The following EXOC4 variants were observed in gnomAD, a reference collection of about 807,000 sequenced individuals.
EXOC4 encodes the protein SEC8-like 1.
EXOC4 carries 71 observed loss-of-function variants against 107.2 expected under a neutral mutation model. The observed-to-expected ratio is 0.66, with a 90% confidence interval of 0.55 to 0.81. EXOC4 has a LOEUF of 0.81. Among genes scored for constraint, EXOC4 ranks in the 30% least tolerant of loss-of-function variants. The pLI, the probability that EXOC4 is intolerant of heterozygous loss-of-function variation, is 0.00. For synonymous variants in EXOC4, 456 were observed against 441.2 expected, an observed-to-expected ratio of 1.03 and a Z score of -0.42; for missense variants, 1,108 against 1,189.6, an observed-to-expected ratio of 0.93 and a Z score of 1.01.
intron 14 of EXOC4, among the ~76,000 whole-genome samples, chr7:133,996,722 T>G (rs1434869860): frequency 6.6e-6 from 1 of 152,208 alleles, no homozygotes; most frequent in Non-Finnish European, 1.5e-5. Context: ...TCATTCTCTC[T>G]AGACTGGTCA....
chr7:134,080,071 G>A, the EXOC4 span, among the ~76,000 whole-genome samples: 1 of 152,098 alleles, frequency 6.6e-6, no homozygotes, highest in Non-Finnish European at 1.5e-5. Flanking sequence ...CCCTGACTTA[G>A]TTCAGCTATA....
chr7:133,395,764 A>C (rs1287343030), intron 7 of EXOC4, among the ~76,000 whole-genome samples: 1 of 152,176 alleles, frequency 6.6e-6, no homozygotes, highest in East Asian at 1.9e-4. Context: ...CTGACAGTGA[A>C]TCACTTGGGA....
intron 12 of EXOC4, among the ~76,000 whole-genome samples, chr7:133,911,408 C>T (rs1799691523): frequency 6.6e-6 from 1 of 152,140 alleles, no homozygotes; most frequent in Admixed American, 6.5e-5. Flanking sequence ...CTGATCAATG[C>T]CAGTATTTCA....
At chr7:133,296,940 C>G (rs948325393) in intron 3 of EXOC4, among the ~76,000 whole-genome samples, 1 of 152,134 alleles carries the variant, frequency 6.6e-6, no homozygotes, top group Non-Finnish European at 1.5e-5. Flanking sequence ...TATTGACATT[C>G]TCCAGGTAAT....
At chr7:133,264,195 T>C (rs926210918) in intron 1 of EXOC4, among the ~76,000 whole-genome samples, 7 of 152,194 alleles carry the variant, frequency 4.6e-5, no homozygotes, top group African/African-American at 1.7e-4. Context: ...TAATGACCTT[T>C]GTTGCCTAAG....
rs534878520 is a variant in EXOC4 at position 133,757,377 on chromosome 7, G to C, written c.1515-59948G>C. ...TTACTTTTAAAAAAATGCAGATTGT[G>C]TTTGCTTTGTGATTTTGATGTTTAA... is the stretch of plus-strand genomic sequence containing the variant. On this transcript the variant is annotated intron_variant, in intron 10 of 17. Transcript: ENST00000253861. Among the ~76,000 whole-genome samples the C allele has an allele frequency of 2.3e-4, 35 of 152,334 alleles. No homozygotes were observed. In the South Asian group the frequency reaches 6.8e-3, roughly 30 times the overall value.
At chr7:133,836,647 T>G (rs1797925197) in intron 11 of EXOC4, among the ~76,000 whole-genome samples, 1 of 152,318 alleles carries the variant, frequency 6.6e-6, no homozygotes, top group Admixed American at 6.5e-5. Flanking sequence ...ATTTCTCTCC[T>G]AATTTATGGT....
chr7:133,292,098 A>G (rs936084344), intron 3 of EXOC4, among the ~76,000 whole-genome samples: 5 of 152,112 alleles, frequency 3.3e-5, no homozygotes, highest in African/African-American at 1.2e-4. Context: ...TAATCCCAGC[A>G]CTTTGGGAGG....
At chr7:133,868,667 TC>T (rs1392200080) in intron 11 of EXOC4, among the ~76,000 whole-genome samples, 1 of 152,182 alleles carries the variant, frequency 6.6e-6, no homozygotes, top group Non-Finnish European at 1.5e-5. Context: ...AGGTTGTTTC[TC>T]AGCCTTCCCT....
chr7:133,917,284 C>T (rs1294215642), intron 12 of EXOC4, among the ~76,000 whole-genome samples: 1 of 152,144 alleles, frequency 6.6e-6, no homozygotes, highest in Non-Finnish European at 1.5e-5. Flanking sequence ...AGGTCCCCCC[C>T]AAAACATACC....
At chr7:133,312,619 G>A (rs961675724) in intron 4 of EXOC4, among the ~76,000 whole-genome samples, 1 of 152,056 alleles carries the variant, frequency 6.6e-6, no homozygotes, top group African/African-American at 2.4e-5. Context: ...GATCTATGCA[G>A]GATGATCAAA....
intron 9 of EXOC4, among the ~76,000 whole-genome samples, chr7:133,527,692 A>G (rs1040918917): frequency 6.6e-6 from 1 of 152,198 alleles, no homozygotes; most frequent in African/African-American, 2.4e-5. Context: ...TCATTTTGTG[A>G]TGCATAGAAA....
intron 10 of EXOC4, among the ~76,000 whole-genome samples, chr7:133,785,996 G>A (rs1263382257): frequency 1.3e-5 from 2 of 152,136 alleles, no homozygotes; most frequent in East Asian, 3.9e-4. Flanking sequence ...TTATTTCCTT[G>A]GTTTCACTTT....
intron 14 of EXOC4, among the ~76,000 whole-genome samples, chr7:133,960,364 T>C (rs966198332): frequency 6.6e-6 from 1 of 152,226 alleles, no homozygotes; most frequent in African/African-American, 2.4e-5. Context: ...GATACTGGCT[T>C]CATAGAATGA....
chr7:133,668,375 A>G (rs1793864070), intron 10 of EXOC4, among the ~76,000 whole-genome samples: 1 of 152,210 alleles, frequency 6.6e-6, no homozygotes, highest in African/African-American at 2.4e-5. Flanking sequence ...TAAGCAGGGC[A>G]CCCCATTATA....
At chr7:133,799,043 T>C (rs916106643) in intron 10 of EXOC4, among the ~76,000 whole-genome samples, 2 of 152,152 alleles carry the variant, frequency 1.3e-5, no homozygotes, top group Non-Finnish European at 2.9e-5. Context: ...GTTCCAGTCA[T>C]ATATTGATGT....
intron 7 of EXOC4, among the ~76,000 whole-genome samples, chr7:133,446,230 C>T (rs1798216804): frequency 6.6e-6 from 1 of 152,070 alleles, no homozygotes; most frequent in Admixed American, 6.6e-5. Flanking sequence ...CTGGACTAAC[C>T]CCTTTATTTC....
chr7:133,969,431 T>G (rs1378285897), intron 14 of EXOC4, among the ~76,000 whole-genome samples: 1 of 152,268 alleles, frequency 6.6e-6, no homozygotes, highest in Non-Finnish European at 1.5e-5. Context: ...TTCTTATTTT[T>G]GGAATTTTTA....
At chr7:133,558,206 C>CTTTTCTTTTT (rs1228973473) in intron 9 of EXOC4, among the ~76,000 whole-genome samples, 111 of 134,412 alleles carry the variant, frequency 8.3e-4, no homozygotes, top group African/African-American at 2.9e-3. Context: ...CTTTTCTTTT[C>CTTTTCTTTTT]TTTTCTTTTC....
Sources: gnomAD v4.1 joint callset for allele counts (sites outside exome capture counted in the v4.1 genomes callset) on GRCh38, gnomAD v4.1.1 for gene constraint, MANE v1.5 for transcripts, NCBI Gene and HGNC (gene_info 2026-07-23, HGNC 2026-07-21) for gene names.